The following RSAD1 variants were observed in gnomAD, a reference collection of about 807,000 sequenced individuals.
RSAD1 encodes the protein radical S-adenosyl methionine domain-containing protein 1, mitochondrial.
Under a neutral mutation model 46.2 loss-of-function variants are expected in RSAD1, and 34 were observed. The ratio of observed to expected loss-of-function variants is 0.74; its 90% confidence interval spans 0.56 to 0.98. The LOEUF (loss-of-function observed/expected upper bound fraction) is 0.98. Among genes scored for constraint, RSAD1 ranks in the 50% least tolerant of loss-of-function variants. RSAD1 has a pLI of 0.00. For missense variants in RSAD1, 635 were observed against 592.3 expected (o/e 1.07, Z -0.75); for synonymous variants, 260 against 253.5 (o/e 1.03, Z -0.24).
Position 50,478,870 on chromosome 17 carries a change from G to T in RSAD1, c.-15G>T, listed in dbSNP as rs1019003243. ...TCTCCTGCTCGGGTCAGTGCGCCGCGCTGCGCTGGGCGCCATGGCGCTCCC... is the reference window on the plus strand; with the variant it reads ...TCTCCTGCTCGGGTCAGTGCGCCGCTCTGCGCTGGGCGCCATGGCGCTCCC... On this transcript the variant is annotated 5_prime_UTR_variant, in exon 1 of 9. Transcript: ENST00000258955. The T allele has an allele frequency of 1.2e-5, 15 of 1,280,648 alleles. No homozygotes were observed. Among genetic ancestry groups the T allele is most frequent in the Non-Finnish European group, 1.4e-5 (14 of 1,018,086 alleles). 79.3% of individuals were successfully genotyped at this position (1,280,648 alleles called of 1,614,324 possible). A position where few individuals can be genotyped will look rare whatever the true frequency, so the allele number is the denominator to read the frequency against.
Position 50,483,384 on chromosome 17 carries a change from C to T in RSAD1, c.949C>T (p.Arg317Trp), listed in dbSNP as rs145694495. The T allele has an allele frequency of 5.1e-4, 823 of 1,613,824 alleles. 2 individuals carry two copies. Among genetic ancestry groups the T allele is most frequent in the African/African-American group, 3.9e-3 (289 of 74,984 alleles). ...FMPQGAGGHT[R>W]EARIQTLEPD... ...GCCCCAGGGGGCTGGAGGCCACACCCGGGAGGCTCGGATCCAGACACTGGA... is the reference window on the plus strand; with the variant it reads ...GCCCCAGGGGGCTGGAGGCCACACCTGGGAGGCTCGGATCCAGACACTGGA... The change falls in exon 6 of 9, where the codon CGG becomes TGG. Residue 317 changes from arginine (R) to tryptophan (W), a missense_variant. Physicochemically the swap from Arg to Trp is moderately radical, Grantham distance 101 (BLOSUM62 -3). Coordinates refer to ENST00000258955, the MANE Select transcript of RSAD1 (RefSeq NM_018346.3).
intron 7 of RSAD1, 71 bp downstream of exon 7, chr17:50,483,831 C>G: frequency 1.5e-6 from 2 of 1,303,728 alleles, no homozygotes; most frequent in Admixed American, 4.7e-5. Context: ...CTCCCTGCCA[C>G]CCCCCCCACA....
At position 50,483,724 on chromosome 17, in the gene RSAD1, C is replaced by T; in HGVS notation, c.1071C>T (p.Ala357=). ...CTTTGAGGCTGGAGGAAGTTTTGGC[C>T]CTGGGGCTACGCACCGATGTGGGGA... ...GRLELLEEVL[A]LGLRTDVGIT... Residue 357 remains alanine (A), a synonymous_variant, in exon 7 of 9, where the codon GCC becomes GCT. Transcript: ENST00000258955. 1 of 1,612,964 alleles carries T rather than the reference C, an allele frequency of 6.2e-7. No individual in the cohort carries two copies. Among genetic ancestry groups the T allele is most frequent in the African/African-American group, 1.3e-5 (1 of 74,868 alleles).
At chr17:50,483,268 C>A in intron 5 of RSAD1, 72 bp from the exon 6 acceptor site, 1 of 1,482,128 alleles carries the variant, frequency 6.7e-7, no homozygotes, top group Admixed American at 2.2e-5. Flanking sequence ...CTCCAGGGAC[C>A]ACATGATTTA....
intron 8 of RSAD1, 71 bp from the exon 9 acceptor site, chr17:50,484,673 C>T (rs946693138): frequency 2.2e-5 from 34 of 1,533,282 alleles, no homozygotes; most frequent in Admixed American, 3.4e-5. Context: ...GCTGGGAGCT[C>T]GGCCCTGCTG....
chr17:50,481,268 G>C (rs896060007), intron 3 of RSAD1, among the ~76,000 whole-genome samples: 23 of 152,186 alleles, frequency 1.5e-4, no homozygotes, highest in African/African-American at 5.3e-4. Flanking sequence ...ATTTGAATAT[G>C]ACAATGTATT....
chr17:50,484,364 C>T, intron 7 of RSAD1, 78 bp from the exon 8 acceptor site: 5 of 1,287,390 alleles, frequency 3.9e-6, no homozygotes, highest in South Asian at 2.6e-5. Context: ...GACCCTCCCC[C>T]ACCTCTCACC....
chr17:50,483,514 C>G lies in RSAD1; in HGVS notation c.1052+27C>G, dbSNP rs375983723. The G allele has an allele frequency of 3.7e-6, 6 of 1,609,448 alleles. No homozygotes were observed. The African/African-American group carries it at 8.0e-5, about 22-fold the overall frequency. On this transcript the variant is annotated intron_variant, in intron 6 of 8. Coordinates refer to ENST00000258955, the MANE Select transcript of RSAD1 (RefSeq NM_018346.3). The stretch of plus-strand genomic sequence containing the variant: ...TGAGCATCCAAGGGCACAGGGCTCT[C>G]CTCCAGGATCCCCACACCCCAAGAC...
chr17:50,485,094 G>T lies in RSAD1; in HGVS notation c.*233G>T. On this transcript the variant is annotated 3_prime_UTR_variant, in exon 9 of 9. Coordinates refer to ENST00000258955, the MANE Select transcript of RSAD1 (RefSeq NM_018346.3). ...CTCACAGGCCAACATGTGTTCCATGGCTGGGAATTGCCTACCACCCACATC... is the reference window on the plus strand; with the variant it reads ...CTCACAGGCCAACATGTGTTCCATGTCTGGGAATTGCCTACCACCCACATC... 1.9e-6 allele frequency: 1 copy of T among 526,366 alleles called. No homozygotes were observed. The highest frequency in any genetic ancestry group is 3.4e-6 in the Non-Finnish European group (1 of 294,770). 32.6% of individuals were successfully genotyped at this position (526,366 alleles called of 1,614,324 possible).
rs1555615320 is a variant in RSAD1 at position 50,483,205 on chromosome 17, G to GAAAGAAAGA, written c.905-128_905-127insGAAAAGAAA. 2.3e-4 allele frequency: 151 copies of GAAAGAAAGA among 658,910 alleles called. No individual in the cohort carries two copies. The African/African-American group carries it at 2.5e-3, about 11-fold the overall frequency. The allele number at this position is 658,910 out of a possible 1,614,324, so 40.8% of individuals were successfully genotyped here. On this transcript the variant is annotated intron_variant, in intron 5 of 8. Coordinates refer to ENST00000258955, the MANE Select transcript of RSAD1 (RefSeq NM_018346.3). Reference sequence around the variant, plus strand: ...AAAAAAAAAAAAAGAAAGAAAGAAAGAAAGAAAAGAAAAGAAAAATAATTT... The same window carrying GAAAGAAAGA: ...AAAAAAAAAAAAAGAAAGAAAGAAAGAAAGAAAGAAAAGAAAAGAAAAGAAAAATAATTT...
chr17:50,483,300 T>A, intron 5 of RSAD1, 40 bp from the exon 6 acceptor site: 1 of 1,605,082 alleles, frequency 6.2e-7, no homozygotes, highest in Non-Finnish European at 8.5e-7. Context: ...CACATAGTAT[T>A]AACAGCCATT....
In RSAD1 at chr17:50,485,873, C is replaced by G. The variant is rs557; in HGVS notation, c.*1012C>G. On this transcript the variant is annotated 3_prime_UTR_variant, in exon 9 of 9. Transcript: ENST00000258955. ...TTGACCAGAGAAAGGGGAGAGAATTCGGGAAAGACCCAAAGTGTTTGTAAT... is the reference window on the plus strand; with the variant it reads ...TTGACCAGAGAAAGGGGAGAGAATTGGGGAAAGACCCAAAGTGTTTGTAAT... 1 of 152,098 alleles carries G rather than the reference C, an allele frequency of 6.6e-6. No individual in the cohort carries two copies. Among genetic ancestry groups the G allele is most frequent in the Non-Finnish European group, 1.5e-5 (1 of 68,032 alleles). The allele number at this position is 152,098 out of a possible 1,614,324, so 9.4% of individuals were successfully genotyped here. A position where few individuals can be genotyped will look rare whatever the true frequency, so the allele number is the denominator to read the frequency against.
In RSAD1 at chr17:50,483,749, A is replaced by G. The variant is rs1273022028; in HGVS notation, c.1096A>G (p.Ile366Val). 1.2e-6 allele frequency: 2 copies of G among 1,610,144 alleles called. No homozygotes were observed. The highest frequency in any genetic ancestry group is 1.1e-5 in the South Asian group (1 of 90,508). ...CCTGGGGCTACGCACCGATGTGGGG[A>G]TCACTCACCAGGTAAGGAGTTAGGA... The part of the protein sequence containing the change: ...LALGLRTDVG[I>V]THQHWQQFEP... Residue 366 changes from isoleucine to valine, a missense_variant, in exon 7 of 9, where the codon ATC becomes GTC. Coordinates refer to ENST00000258955, the MANE Select transcript of RSAD1 (RefSeq NM_018346.3).
intron 5 of RSAD1, 116 bp from the exon 6 acceptor site, chr17:50,483,224 A>T: frequency 2.0e-6 from 2 of 1,009,302 alleles, no homozygotes; most frequent in Non-Finnish European, 2.7e-6. Flanking sequence ...GAAAAGAAAA[A>T]TAATTTATAT....
At chr17:50,479,558 G>A (rs2143830746) in intron 1 of RSAD1, 71 bp from the exon 2 acceptor site, 7 of 1,597,832 alleles carry the variant, frequency 4.4e-6, no homozygotes, top group Non-Finnish European at 5.1e-6. Flanking sequence ...GTGGGGTTGG[G>A]GGTGTGTGCG....
Position 50,484,556 on chromosome 17 carries a change from G to T in RSAD1, c.1211+11G>T, listed in dbSNP as rs372179888. The T allele has an allele frequency of 6.2e-7, 1 of 1,612,050 alleles. No individual in the cohort carries two copies. Among genetic ancestry groups the T allele is most frequent in the African/African-American group, 1.3e-5 (1 of 75,044 alleles). ...GCAGCTGGATCACAGGTGTGTTGGG[G>T]GGTGCCGGGCAGAGGGGGCTGAGGC... On this transcript the variant is annotated intron_variant, in intron 8 of 8. Transcript: ENST00000258955.
At chr17:50,479,242 A>G in intron 1 of RSAD1, 1 of 508,672 alleles carries the variant, frequency 2.0e-6, no homozygotes, top group Non-Finnish European at 3.3e-6. Flanking sequence ...ACTCTGACCA[A>G]ATGGTTCAAA....
chr17:50,484,803 T>A lies in RSAD1; in HGVS notation c.1271T>A (p.Leu424Gln). The change falls in exon 9 of 9, where the codon CTG becomes CAG. Residue 424 changes from leucine (L) to glutamine (Q), a missense_variant. By Grantham distance (113) the Leu-to-Gln change is moderately radical. Transcript: ENST00000258955. ...AVLDSLLLTL[L>Q]PQLQEAWQQR... ...CTGGACTCTCTCTTGCTGACCCTCC[T>A]GCCTCAGCTCCAAGAAGCCTGGCAG... 6.2e-7 allele frequency: 1 copy of A among 1,614,088 alleles called. No homozygotes were observed. The highest frequency in any genetic ancestry group is 8.5e-7 in the Non-Finnish European group (1 of 1,179,982).
intron 5 of RSAD1, 73 bp from the exon 6 acceptor site, chr17:50,483,267 C>A: frequency 6.8e-7 from 1 of 1,476,892 alleles, no homozygotes; most frequent in Non-Finnish European, 9.1e-7. Flanking sequence ...GCTCCAGGGA[C>A]CACATGATTT....
Sources: allele counts gnomAD v4.1 joint callset (sites outside exome capture counted in the v4.1 genomes callset), GRCh38; gene constraint gnomAD v4.1.1; transcripts MANE v1.5; gene names NCBI Gene and HGNC (gene_info 2026-07-23, HGNC 2026-07-21).